VIPR2: variants seen among roughly 807,000 people sequenced by gnomAD.
VIPR2 encodes vasoactive intestinal polypeptide receptor 2.
In VIPR2, 48 loss-of-function variants were observed where a neutral mutation model predicts 58.0. The ratio of observed to expected loss-of-function variants is 0.83; its 90% confidence interval spans 0.66 to 1.05. The LOEUF (loss-of-function observed/expected upper bound fraction) is 1.05, where lower values mean the gene tolerates loss of function less well. Among genes scored for constraint, VIPR2 ranks in the 50% least tolerant of loss-of-function variants. The pLI, the probability that VIPR2 is intolerant of heterozygous loss-of-function variation, is 0.00. For synonymous variants in VIPR2, 243 were observed against 235.2 expected, an observed-to-expected ratio of 1.03 and a Z score of -0.30; for missense variants, 534 against 558.0, an observed-to-expected ratio of 0.96 and a Z score of 0.43.
At chr7:159,063,228 G>A (rs1855821412) in intron 4 of VIPR2, among the ~76,000 whole-genome samples, 1 of 151,784 alleles carries the variant, frequency 6.6e-6, no homozygotes. Context: ...AGGAGTCCAC[G>A]GCGGGGTGGG....
intron 4 of VIPR2, among the ~76,000 whole-genome samples, chr7:159,066,770 A>T (rs1856115824): frequency 6.6e-6 from 1 of 152,284 alleles, no homozygotes; most frequent in Non-Finnish European, 1.5e-5. Flanking sequence ...AACACATTTT[A>T]GAAAGACAAT....
At chr7:159,113,746 C>T (rs1796130430) in intron 2 of VIPR2, among the ~76,000 whole-genome samples, 2 of 152,160 alleles carry the variant, frequency 1.3e-5, no homozygotes, top group South Asian at 4.1e-4. Context: ...TGAAGTGAGT[C>T]TATCAGGAGG....
At chr7:159,078,084 T>G (rs1856732863) in intron 4 of VIPR2, among the ~76,000 whole-genome samples, 1 of 152,244 alleles carries the variant, frequency 6.6e-6, no homozygotes, top group African/African-American at 2.4e-5. Flanking sequence ...TGTTCCTGTG[T>G]GGGCCACTTA....
In VIPR2 at chr7:159,029,774, CT is replaced by C. The variant is rs1853429855; in HGVS notation, c.*841del. The C allele has an allele frequency of 6.6e-6, 1 of 152,386 alleles. No individual in the cohort carries two copies. The highest frequency in any genetic ancestry group is 2.1e-4 in the South Asian group (1 of 4,836). The allele number at this position is 152,386 out of a possible 1,614,324, so 9.4% of individuals were successfully genotyped here. A position where few individuals can be genotyped will look rare whatever the true frequency, so the allele number is the denominator to read the frequency against. On this transcript the variant is annotated 3_prime_UTR_variant, in exon 13 of 13. Transcript: ENST00000262178. ...TGATCTGGTTGTCTCCTCAGCCCGC[CT>C]TCCGTGGGGAGGCAAAACAGCCCTG...
chr7:159,101,047 C>T (rs1208520952), intron 4 of VIPR2, among the ~76,000 whole-genome samples: 19 of 144,322 alleles, frequency 1.3e-4, no homozygotes, highest in African/African-American at 3.2e-4. Flanking sequence ...TCACGAGATC[C>T]GACAAGGCCG....
chr7:159,081,547 C>T lies in VIPR2; in HGVS notation c.357+22210G>A, dbSNP rs898715583. ...AAAACCTAGGCAATACCATTGAGGACATAGGCATGGGCAAGGACTTCATGT... is the reference window on the plus strand; with the variant it reads ...AAAACCTAGGCAATACCATTGAGGATATAGGCATGGGCAAGGACTTCATGT... On this transcript the variant is annotated intron_variant, in intron 4 of 12. Transcript: ENST00000262178. Among the ~76,000 whole-genome samples the T allele has an allele frequency of 1.8e-4, 27 of 152,302 alleles. 1 individual carries two copies. Among genetic ancestry groups the T allele is most frequent in the African/African-American group, 6.5e-4 (27 of 41,568 alleles).
chr7:159,124,784 ATTTG>A (rs1341308553), intron 2 of VIPR2, among the ~76,000 whole-genome samples: 1 of 152,070 alleles, frequency 6.6e-6, no homozygotes, highest in East Asian at 1.9e-4. Context: ...ATGTTTTTCC[ATTTG>A]TTTGTGTCAC....
intron 4 of VIPR2, among the ~76,000 whole-genome samples, chr7:159,063,812 TCCTGGTGGGGTCC>T (rs1855886394): frequency 1.4e-5 from 1 of 73,410 alleles, no homozygotes; most frequent in African/African-American, 7.4e-5. Flanking sequence ...GGTCCGGGGG[TCCTGGTGGGGTCC>T]GGGGGTCCTG....
intron 1 of VIPR2, among the ~76,000 whole-genome samples, chr7:159,143,275 T>A (rs995992805): frequency 1.3e-5 from 2 of 152,250 alleles, no homozygotes; most frequent in South Asian, 4.1e-4. Flanking sequence ...ACCTTGTTCT[T>A]CACGCCCTCC....
chr7:159,088,556 G>T (rs1449632303), intron 4 of VIPR2, among the ~76,000 whole-genome samples: 1 of 152,242 alleles, frequency 6.6e-6, no homozygotes, highest in African/African-American at 2.4e-5. Flanking sequence ...CTATACACCT[G>T]CAAGGAGTCA....
At chr7:159,110,282 T>C (rs139039161) in intron 2 of VIPR2, among the ~76,000 whole-genome samples, 2 of 152,392 alleles carry the variant, frequency 1.3e-5, no homozygotes, top group Non-Finnish European at 2.9e-5. Flanking sequence ...CTTGTGCTTC[T>C]GTGGAATCTG....
chr7:159,118,728 C>G (rs535573470), intron 2 of VIPR2, among the ~76,000 whole-genome samples: 181 of 152,360 alleles, frequency 1.2e-3, no homozygotes, highest in African/African-American at 4.2e-3. Flanking sequence ...AGAAAAACTG[C>G]ACTTCTTGTA....
At chr7:159,123,104 C>A (rs1159083855) in intron 2 of VIPR2, among the ~76,000 whole-genome samples, 1 of 151,926 alleles carries the variant, frequency 6.6e-6, no homozygotes, top group East Asian at 1.9e-4. Flanking sequence ...ACCATCCTGG[C>A]TAACATGGTG....
chr7:159,100,463 A>C (rs1443439154), intron 4 of VIPR2, among the ~76,000 whole-genome samples: 1 of 151,490 alleles, frequency 6.6e-6, no homozygotes, highest in Non-Finnish European at 1.5e-5. Flanking sequence ...CAGTGGGCTC[A>C]CAGTAACACC....
intron 2 of VIPR2, among the ~76,000 whole-genome samples, chr7:159,138,664 CAT>C (rs748532883): frequency 6.6e-6 from 1 of 152,238 alleles, no homozygotes; most frequent in Non-Finnish European, 1.5e-5. Flanking sequence ...ATGCCGAGCA[CAT>C]GTGTGAAGAG....
At chr7:159,094,362 C>T (rs990045257) in intron 4 of VIPR2, among the ~76,000 whole-genome samples, 3 of 152,212 alleles carry the variant, frequency 2.0e-5, no homozygotes, top group African/African-American at 7.2e-5. Context: ...AAGTTGAGCC[C>T]ATGGCTGCTT....
intron 3 of VIPR2, among the ~76,000 whole-genome samples, chr7:159,104,295 C>T (rs920471765): frequency 6.6e-6 from 1 of 151,136 alleles, no homozygotes; most frequent in Non-Finnish European, 1.5e-5. Flanking sequence ...ACCGGGTACC[C>T]CGCCTGCTCC....
chr7:159,132,626 G>A (rs539624370), intron 2 of VIPR2, among the ~76,000 whole-genome samples: 10 of 152,354 alleles, frequency 6.6e-5, no homozygotes, highest in Non-Finnish European at 1.3e-4. Context: ...TGCAGCTCAG[G>A]GGGATGACTC....
At position 159,099,459 on chromosome 7, in the gene VIPR2, G is replaced by A. The variant is rs1858076383; in HGVS notation, c.357+4298C>T. Among the ~76,000 whole-genome samples the A allele has an allele frequency of 6.6e-6, 1 of 152,160 alleles. No homozygotes were observed. Among genetic ancestry groups the A allele is most frequent in the Admixed American group, 6.5e-5 (1 of 15,288 alleles). ...TAAGGAGCTTGGGCATGACTCTGTG[G>A]GCTGACATTGCCACAGCAGGCGGCG... is the stretch of plus-strand genomic sequence containing the variant. On this transcript the variant is annotated intron_variant, in intron 4 of 12. Transcript: ENST00000262178. The surrounding 1 kb of genome is among the most constrained non-coding windows in gnomAD (Gnocchi z 4.2).
Sources: allele counts gnomAD v4.1 joint callset (sites outside exome capture counted in the v4.1 genomes callset), GRCh38; gene constraint gnomAD v4.1.1; non-coding constraint Gnocchi (gnomAD v3.1); transcripts MANE v1.5; gene names NCBI Gene and HGNC (gene_info 2026-07-23, HGNC 2026-07-21).